DRC11: variants seen among roughly 807,000 people sequenced by gnomAD.
The protein encoded by DRC11 is IQ and AAA domain-containing protein 1.
At chr2:236,339,661 G>C in the DRC11 span, among the ~76,000 whole-genome samples, 1 of 152,172 alleles carries the variant, frequency 6.6e-6, no homozygotes, top group Non-Finnish European at 1.5e-5. Context: ...TTGTTGAAAA[G>C]ATTATTCTTT....
chr2:236,450,188 T>C, the DRC11 span, among the ~76,000 whole-genome samples: 2 of 152,152 alleles, frequency 1.3e-5, no homozygotes, highest in East Asian at 1.9e-4. Flanking sequence ...TTATTGACTT[T>C]ATAATTTTTA....
the DRC11 span, among the ~76,000 whole-genome samples, chr2:236,383,473 TG>T: frequency 6.6e-6 from 1 of 152,158 alleles, no homozygotes; most frequent in Non-Finnish European, 1.5e-5. Context: ...TTTCCTGTCT[TG>T]TGCTAGCTTT....
chr2:236,480,348 C>T, the DRC11 span, among the ~76,000 whole-genome samples: 3 of 152,096 alleles, frequency 2.0e-5, no homozygotes, highest in Non-Finnish European at 2.9e-5. Flanking sequence ...TCAACTCCCT[C>T]TTGAATACCA....
the DRC11 span, among the ~76,000 whole-genome samples, chr2:236,485,065 T>A: frequency 6.6e-6 from 1 of 152,218 alleles, no homozygotes; most frequent in East Asian, 1.9e-4. Flanking sequence ...ATGGTTGTTT[T>A]ATTAAGGTTT....
the DRC11 span, among the ~76,000 whole-genome samples, chr2:236,453,354 G>T: frequency 6.6e-6 from 1 of 152,208 alleles, no homozygotes; most frequent in African/African-American, 2.4e-5. The surrounding 1 kb of genome is among the most constrained non-coding windows in gnomAD (Gnocchi z 4.9). Context: ...ATTTGATCAA[G>T]TGCTAAATGA....
the DRC11 span, among the ~76,000 whole-genome samples, chr2:236,328,479 C>A: frequency 2.6e-5 from 4 of 152,044 alleles, no homozygotes; most frequent in Non-Finnish European, 5.9e-5. The surrounding 1 kb of genome is among the most constrained non-coding windows in gnomAD (Gnocchi z 6.7). Context: ...TTGATGCTTC[C>A]CCATGGCAAC....
chr2:236,357,089 T>TCGTATATTATATATCTATATA, the DRC11 span, among the ~76,000 whole-genome samples: 1,205 of 55,858 alleles, frequency 0.022, 110 homozygotes, highest in Non-Finnish European at 0.031. Flanking sequence ...ATCTATATAT[T>TCGTATATTATATATCTATATA]TTATATATTC....
the DRC11 span, chr2:236,391,936 C>G: frequency 6.4e-7 from 1 of 1,557,958 alleles, no homozygotes; most frequent in Non-Finnish European, 8.9e-7. This position sits in a 1 kb window ranked among gnomAD's most constrained non-coding sequence, Gnocchi z 4.5. Context: ...TGACTGAATC[C>G]GCTCCACCGC....
chr2:236,411,901 T>TGGGGGGA, the DRC11 span, among the ~76,000 whole-genome samples: 1 of 78,114 alleles, frequency 1.3e-5, no homozygotes, highest in Non-Finnish European at 2.3e-5. Flanking sequence ...TGTTGTGGGG[T>TGGGGGGA]GGGGGGAGGG....
At chr2:236,381,546 T>C in the DRC11 span, among the ~76,000 whole-genome samples, 1 of 152,216 alleles carries the variant, frequency 6.6e-6, no homozygotes, top group African/African-American at 2.4e-5. The surrounding 1 kb of genome is among the most constrained non-coding windows in gnomAD (Gnocchi z 5.8). Flanking sequence ...AACGTTGTTA[T>C]AGCAGTCCAA....
At chr2:236,329,037 G>A in the DRC11 span, among the ~76,000 whole-genome samples, 2 of 152,206 alleles carry the variant, frequency 1.3e-5, no homozygotes, top group South Asian at 2.1e-4. Flanking sequence ...GAAATCACCT[G>A]CTTTTCTGGC....
the DRC11 span, among the ~76,000 whole-genome samples, chr2:236,409,648 G>A: frequency 6.6e-6 from 1 of 152,004 alleles, no homozygotes; most frequent in Non-Finnish European, 1.5e-5. Flanking sequence ...ATACTATGTT[G>A]AATAGGAGTG....
chr2:236,476,750 T>A, the DRC11 span, among the ~76,000 whole-genome samples: 6 of 152,110 alleles, frequency 3.9e-5, no homozygotes, highest in Non-Finnish European at 7.4e-5. The surrounding 1 kb of genome is among the most constrained non-coding windows in gnomAD (Gnocchi z 4.7). Flanking sequence ...GTATTTTTTT[T>A]AAATTGTAAT....
chr2:236,312,066 T>A, the DRC11 span, among the ~76,000 whole-genome samples: 1 of 152,172 alleles, frequency 6.6e-6, no homozygotes, highest in Non-Finnish European at 1.5e-5. Context: ...AAAACTCACA[T>A]TTCCCATTGT....
the DRC11 span, chr2:236,368,756 C>A: frequency 6.4e-6 from 1 of 156,200 alleles, no homozygotes; most frequent in Admixed American, 6.2e-5. Context: ...CAGTGTAAAT[C>A]TGAGTGTAAA....
At chr2:236,310,970 T>G in the DRC11 span, among the ~76,000 whole-genome samples, 1 of 152,198 alleles carries the variant, frequency 6.6e-6, no homozygotes, top group African/African-American at 2.4e-5. The surrounding 1 kb of genome is among the most constrained non-coding windows in gnomAD (Gnocchi z 5.5). Flanking sequence ...TCAATTAGTT[T>G]CCACTTGGAG....
At chr2:236,359,938 C>T in the DRC11 span, among the ~76,000 whole-genome samples, 1 of 152,104 alleles carries the variant, frequency 6.6e-6, no homozygotes, top group African/African-American at 2.4e-5. The surrounding 1 kb of genome is among the most constrained non-coding windows in gnomAD (Gnocchi z 4.3). Flanking sequence ...GAATGTGGTG[C>T]TCCACATTTT....
At chr2:236,344,624 G>A in the DRC11 span, 1 of 1,613,626 alleles carries the variant, frequency 6.2e-7, no homozygotes, top group South Asian at 1.1e-5. Context: ...CACCACGGAG[G>A]GCTGGAGCTG....
the DRC11 span, among the ~76,000 whole-genome samples, chr2:236,362,765 A>C: frequency 6.6e-6 from 1 of 152,216 alleles, no homozygotes; most frequent in Non-Finnish European, 1.5e-5. The surrounding 1 kb of genome is among the most constrained non-coding windows in gnomAD (Gnocchi z 5.7). Context: ...GTGCATGAAA[A>C]TGGTGGTTAC....
Sources: gnomAD v4.1 joint callset for allele counts (sites outside exome capture counted in the v4.1 genomes callset) on GRCh38, gnomAD v4.1.1 for gene constraint, Gnocchi (gnomAD v3.1) non-coding constraint, MANE v1.5 for transcripts, NCBI Gene and HGNC (gene_info 2026-07-23, HGNC 2026-07-21) for gene names.